EQTN: variants seen among roughly 807,000 people sequenced by gnomAD.
The protein encoded by EQTN is equatorin, also known as Acrosome formation associated factor.
In EQTN, 29 loss-of-function variants were observed where a neutral mutation model predicts 26.9. The observed-to-expected ratio is 1.08, with a 90% CI of 0.80 to 1.47. The LOEUF is 1.47. Ranked by LOEUF, EQTN falls within the 40% of genes most tolerant of loss-of-function variation. The pLI is 0.00. For synonymous variants in EQTN, 129 were observed against 120.0 expected (o/e 1.07, Z -0.49); for missense variants, 391 against 346.1 (o/e 1.13, Z -1.03).
At chr9:27,290,796 T>C (rs543910778) in intron 5 of EQTN, among the ~76,000 whole-genome samples, 2 of 152,352 alleles carry the variant, frequency 1.3e-5, no homozygotes, top group East Asian at 1.9e-4. Context: ...TTGAATAACA[T>C]TTAACATTTG....
At chr9:27,291,331 G>A (rs1340861437) in intron 4 of EQTN, among the ~76,000 whole-genome samples, 1 of 152,194 alleles carries the variant, frequency 6.6e-6, no homozygotes, top group African/African-American at 2.4e-5. Context: ...AAATGCACAG[G>A]TGGTATGCAC....
chr9:27,295,325 G>C (rs961547526), intron 2 of EQTN, among the ~76,000 whole-genome samples: 69 of 152,068 alleles, frequency 4.5e-4, no homozygotes, highest in African/African-American at 1.5e-3. Context: ...AAGTATAAAA[G>C]TTGAAACACT....
rs1439502926 is a variant in EQTN, at chr9:27,284,692, T to A, written c.*31A>T. On this transcript the variant is annotated 3_prime_UTR_variant, in exon 8 of 8. Coordinates refer to ENST00000380032, the MANE Select transcript of EQTN (RefSeq NM_020641.3). The stretch of plus-strand genomic sequence containing the variant: ...ATAATTAAAGTTATTTATTCATCAA[T>A]AAGATTTCTTCACCGGGTTCCTTGA... The A allele has an allele frequency of 1.3e-6, 2 of 1,592,252 alleles. No individual in the cohort carries two copies. The highest frequency in any genetic ancestry group is 2.7e-5 in the African/African-American group (2 of 73,798).
chr9:27,292,322 C>G (rs535329909), intron 4 of EQTN, 79 bp downstream of exon 4: 7 of 874,206 alleles, frequency 8.0e-6, no homozygotes, highest in Non-Finnish European at 1.1e-5. Flanking sequence ...TTATGTAATG[C>G]TCAGAGTAGT....
In EQTN at chr9:27,294,242, A is replaced by G. The variant is rs118138273; in HGVS notation, c.289+74T>C. 1.0e-5 allele frequency: 10 copies of G among 991,776 alleles called. No homozygotes were observed. In the East Asian group the frequency reaches 1.7e-4, roughly 17 times the overall value. 61.4% of individuals were successfully genotyped at this position (991,776 alleles called of 1,614,324 possible). A position where few individuals can be genotyped will look rare whatever the true frequency, so the allele number is the denominator to read the frequency against. On this transcript the variant is annotated intron_variant, in intron 3 of 7. Transcript: ENST00000380032. ...GGAACGAAGACTTCTTTTCTCCCCA[A>G]CAGTCTCTTATTGCTGTTTTGAAAT... is the stretch of plus-strand genomic sequence containing the variant.
chr9:27,286,383 G>T (rs201655449), intron 6 of EQTN, 21 bp from the exon 7 acceptor site: 62 of 1,567,646 alleles, frequency 4.0e-5, no homozygotes, highest in Non-Finnish European at 5.0e-5. Context: ...AGAGAATGCA[G>T]TGGAAAATAG....
intron 4 of EQTN, 143 bp from the exon 5 acceptor site, chr9:27,291,206 C>A: frequency 1.5e-6 from 1 of 653,884 alleles, no homozygotes; most frequent in Non-Finnish European, 2.5e-6. Flanking sequence ...GTGGTTGGCA[C>A]TAACTTATAG....
rs184862021 is a variant in EQTN, at chr9:27,293,819, T to C, written c.289+497A>G. On this transcript the variant is annotated intron_variant, in intron 3 of 7. Transcript: ENST00000380032. ...CCAAGGTTTGAAATTGCTCAAAATATTCCATTATTATCAAGTAGCTTTGTT... is the reference window on the plus strand; with the variant it reads ...CCAAGGTTTGAAATTGCTCAAAATACTCCATTATTATCAAGTAGCTTTGTT... 5.6e-4 allele frequency among the ~76,000 whole-genome samples: 86 copies of C among 152,330 alleles called. 1 individual carries two copies. The highest frequency in any genetic ancestry group is 4.4e-3 in the Admixed American group (67 of 15,298).
chr9:27,288,445 G>A (rs937443506), intron 6 of EQTN, among the ~76,000 whole-genome samples: 4 of 152,090 alleles, frequency 2.6e-5, no homozygotes, highest in African/African-American at 9.7e-5. Flanking sequence ...CAAAGTGCTA[G>A]GATTACAGGC....
chr9:27,292,353 A>G, intron 4 of EQTN, 48 bp downstream of exon 4: 1 of 1,292,830 alleles, frequency 7.7e-7, no homozygotes, highest in Non-Finnish European at 1.1e-6. Context: ...TTTTTAAGTC[A>G]CATAATGATA....
In EQTN at chr9:27,296,997, A is replaced by G. The variant is rs760932077; in HGVS notation, c.59T>C (p.Leu20Ser). 1.2e-6 allele frequency: 2 copies of G among 1,612,020 alleles called. No individual in the cohort carries two copies. The highest frequency in any genetic ancestry group is 1.7e-6 in the Non-Finnish European group (2 of 1,179,164). Residue 20 changes from leucine (L) to serine (S), a missense_variant, in exon 1 of 8, where the codon TTG becomes TCG. By Grantham distance (145) the Leu-to-Ser change is moderately radical. Transcript: ENST00000380032. ...TCTCTCACCTTCAATAGTAGGCTTC[A>G]AAGTGCTACTTTTTAAGGAAAAAAC... ...PGVFSLKSST[L>S]KPTIEALPNV...
At chr9:27,295,302 C>A (rs890777153) in intron 2 of EQTN, among the ~76,000 whole-genome samples, 1 of 152,026 alleles carries the variant, frequency 6.6e-6, no homozygotes, top group African/African-American at 2.4e-5. Flanking sequence ...AACACTCATG[C>A]CATGAGTTAT....
intron 7 of EQTN, among the ~76,000 whole-genome samples, chr9:27,285,236 C>G (rs1820096080): frequency 7.0e-6 from 1 of 141,888 alleles, no homozygotes; most frequent in South Asian, 2.3e-4. Context: ...CTCCGCCTCC[C>G]AGGGGCACGC....
chr9:27,292,332 T>C, intron 4 of EQTN, 69 bp downstream of exon 4: 2 of 1,046,626 alleles, frequency 1.9e-6, no homozygotes, highest in Admixed American at 4.2e-5. Flanking sequence ...CTCAGAGTAG[T>C]GAAACTTAAA....
chr9:27,296,541 A>G (rs959720994), intron 2 of EQTN, 72 bp downstream of exon 2: 4 of 1,101,660 alleles, frequency 3.6e-6, no homozygotes, highest in Admixed American at 5.6e-5. Context: ...ATGGAAATTT[A>G]AAAAGGACAC....
chr9:27,292,430 G>C lies in EQTN; in HGVS notation c.347C>G (p.Thr116Ser). 2 of 1,608,250 alleles carry C rather than the reference G, an allele frequency of 1.2e-6. No homozygotes were observed. Among genetic ancestry groups the C allele is most frequent in the Non-Finnish European group, 1.7e-6 (2 of 1,176,582 alleles). The change falls in exon 4 of 8, where the codon ACT (threonine) becomes AGT (serine). Residue 116 changes from threonine to serine, a missense_variant. Thr to Ser is a moderately conservative substitution (Grantham distance 58, BLOSUM62 1). Coordinates refer to ENST00000380032, the MANE Select transcript of EQTN (RefSeq NM_020641.3). Reference protein sequence around the residue: ...EKSTIEEETTTSEPSHKNIQR... With the variant: ...EKSTIEEETTSSEPSHKNIQR... ...AATATTTTTATGAGAGGGTTCGCTA[G>C]TAGTTGTTTCTTCTTCAATGGTGGA...
intron 5 of EQTN, among the ~76,000 whole-genome samples, chr9:27,290,321 G>C (rs1244491508): frequency 6.6e-6 from 1 of 151,670 alleles, no homozygotes; most frequent in Non-Finnish European, 1.5e-5. Flanking sequence ...TTCTACTTCA[G>C]CTGGGAATGT....
intron 5 of EQTN, among the ~76,000 whole-genome samples, chr9:27,290,101 C>T (rs1820201994): frequency 6.6e-6 from 1 of 152,188 alleles, no homozygotes; most frequent in Non-Finnish European, 1.5e-5. Context: ...GCTTCTCTAA[C>T]ACATATTATC....
chr9:27,289,868 T>C (rs1820196208), intron 5 of EQTN, 137 bp from the exon 6 acceptor site: 3 of 536,400 alleles, frequency 5.6e-6, no homozygotes, highest in South Asian at 4.2e-5. Flanking sequence ...TTATATTCTA[T>C]AAAGTCTTAT....
Sources: allele counts gnomAD v4.1 joint callset (sites outside exome capture counted in the v4.1 genomes callset), GRCh38; gene constraint gnomAD v4.1.1; transcripts MANE v1.5; gene names NCBI Gene and HGNC (gene_info 2026-07-23, HGNC 2026-07-21).